The following GRID1 variants were observed in gnomAD, a reference collection of about 807,000 sequenced individuals.
GRID1 encodes the protein glutamate receptor ionotropic, delta-1.
Under a neutral mutation model 98.0 loss-of-function variants are expected in GRID1, and 28 were observed. That is an observed-to-expected ratio of 0.29 (90% CI 0.21 to 0.39). The LOEUF is 0.39. GRID1 is among the 10% of genes least tolerant of loss of function. The pLI, the probability that GRID1 is intolerant of heterozygous loss-of-function variation, is 1.00. For synonymous variants in GRID1, 553 were observed against 538.5 expected (o/e 1.03, Z -0.37); for missense variants, 1,111 against 1,340.5 (o/e 0.83, Z 2.67).
intron 2 of GRID1, among the ~76,000 whole-genome samples, chr10:86,341,138 C>T (rs1848304182): frequency 1.3e-5 from 2 of 152,188 alleles, no homozygotes; most frequent in Non-Finnish European, 2.9e-5. Flanking sequence ...TGTGTATCCT[C>T]CCTCCTCCTT....
intron 4 of GRID1, among the ~76,000 whole-genome samples, chr10:86,124,247 C>A (rs1456253012): frequency 6.6e-6 from 1 of 152,158 alleles, no homozygotes; most frequent in African/African-American, 2.4e-5. Flanking sequence ...CAACTGAAAC[C>A]AAACCCAAAA....
chr10:85,674,757 A>T (rs1254167143), intron 12 of GRID1, among the ~76,000 whole-genome samples: 2 of 151,738 alleles, frequency 1.3e-5, no homozygotes, highest in Non-Finnish European at 2.9e-5. Flanking sequence ...TCCATAGCAG[A>T]GTCAAATGGA....
chr10:86,201,172 C>G (rs577275493), intron 3 of GRID1, among the ~76,000 whole-genome samples: 2 of 152,110 alleles, frequency 1.3e-5, no homozygotes, highest in Non-Finnish European at 2.9e-5. Context: ...AACACAAATG[C>G]CCACAGACAA....
At chr10:86,270,520 T>C (rs1348215989) in intron 2 of GRID1, among the ~76,000 whole-genome samples, 3 of 152,106 alleles carry the variant, frequency 2.0e-5, no homozygotes, top group African/African-American at 7.2e-5. Flanking sequence ...TGCAGCCCTG[T>C]CTCTAGCAAA....
At chr10:86,279,979 G>A (rs1847334402) in intron 2 of GRID1, among the ~76,000 whole-genome samples, 1 of 152,182 alleles carries the variant, frequency 6.6e-6, no homozygotes, top group Non-Finnish European at 1.5e-5. Context: ...ACAGACAAGA[G>A]ATCACTTGAG....
At chr10:86,000,675 G>A (rs1842792727) in intron 4 of GRID1, among the ~76,000 whole-genome samples, 1 of 152,154 alleles carries the variant, frequency 6.6e-6, no homozygotes, top group Admixed American at 6.5e-5. Flanking sequence ...ATGGAGAAAG[G>A]ATAGCGTCTT....
intron 8 of GRID1, among the ~76,000 whole-genome samples, chr10:85,811,108 G>A (rs1842667237): frequency 1.3e-5 from 2 of 152,072 alleles, no homozygotes; most frequent in Non-Finnish European, 1.5e-5. Flanking sequence ...TCACAACCTA[G>A]GCCACTGAGG....
chr10:85,911,999 C>T (rs1156635699), intron 5 of GRID1, among the ~76,000 whole-genome samples: 1 of 152,178 alleles, frequency 6.6e-6, no homozygotes, highest in East Asian at 1.9e-4. Flanking sequence ...TTAATTGTTG[C>T]CTTTGTCTTT....
At chr10:86,189,264 T>C (rs1845767731) in intron 3 of GRID1, among the ~76,000 whole-genome samples, 1 of 152,058 alleles carries the variant, frequency 6.6e-6, no homozygotes, top group South Asian at 2.1e-4. Context: ...CCTAGGCTAG[T>C]GATGGGACCT....
intron 8 of GRID1, among the ~76,000 whole-genome samples, chr10:85,842,591 C>A (rs1842971110): frequency 6.6e-6 from 1 of 151,854 alleles, no homozygotes; most frequent in Non-Finnish European, 1.5e-5. Context: ...GATGCTATAG[C>A]CATTTGAACA....
chr10:86,138,167 A>C (rs1844956582), intron 4 of GRID1, among the ~76,000 whole-genome samples: 1 of 152,222 alleles, frequency 6.6e-6, no homozygotes, highest in Non-Finnish European at 1.5e-5. Flanking sequence ...GGCCAGCGCC[A>C]ATCAGCCAAC....
chr10:86,110,033 A>C (rs561265634), intron 4 of GRID1, among the ~76,000 whole-genome samples: 1 of 140,702 alleles, frequency 7.1e-6, no homozygotes, highest in African/African-American at 2.7e-5. Flanking sequence ...AGTGCAGTGG[A>C]GTGATCTTGG....
chr10:85,691,350 T>C (rs1471593017), intron 12 of GRID1, among the ~76,000 whole-genome samples: 1 of 152,236 alleles, frequency 6.6e-6, no homozygotes, highest in Non-Finnish European at 1.5e-5. Flanking sequence ...TGGCCCTATT[T>C]ACACACACTT....
chr10:86,254,890 G>C (rs908781101), intron 2 of GRID1, among the ~76,000 whole-genome samples: 1 of 152,218 alleles, frequency 6.6e-6, no homozygotes, highest in Admixed American at 6.5e-5. Context: ...CCTTGCCTGA[G>C]GGACCCTCAC....
intron 4 of GRID1, among the ~76,000 whole-genome samples, chr10:86,044,730 G>A (rs987603049): frequency 3.3e-5 from 5 of 152,178 alleles, no homozygotes; most frequent in Admixed American, 1.3e-4. Flanking sequence ...TCCAGGCTTC[G>A]GGGGACCTTG....
At chr10:85,837,225 G>A (rs778546924) in intron 8 of GRID1, among the ~76,000 whole-genome samples, 6 of 152,106 alleles carry the variant, frequency 3.9e-5, no homozygotes, top group Non-Finnish European at 7.3e-5. Context: ...GCAATCACTA[G>A]CTTATGGGGG....
In GRID1 at chr10:86,256,375, G is replaced by A. The variant is rs1846917651; in HGVS notation, c.236-49727C>T. Among the ~76,000 whole-genome samples the A allele has an allele frequency of 2.6e-5, 4 of 152,188 alleles. No homozygotes were observed. In the South Asian group the frequency reaches 8.3e-4, roughly 31 times the overall value. On this transcript the variant is annotated intron_variant, in intron 2 of 15. Transcript: ENST00000327946. ...AGCATTTCAGGAGGCTGAGGTGGGA[G>A]GATCACTTGAGCCCAGGAGTCTGAG... is the stretch of plus-strand genomic sequence containing the variant.
intron 4 of GRID1, among the ~76,000 whole-genome samples, chr10:85,978,431 G>A (rs1274036844): frequency 6.6e-6 from 1 of 152,158 alleles, no homozygotes; most frequent in Non-Finnish European, 1.5e-5. Flanking sequence ...ATAAATTAGA[G>A]CCAGGGAAAA....
intron 4 of GRID1, among the ~76,000 whole-genome samples, chr10:86,117,409 C>T (rs1481729864): frequency 6.6e-6 from 1 of 151,770 alleles, no homozygotes; most frequent in African/African-American, 2.4e-5. Flanking sequence ...CCACCAACAC[C>T]ATCACTATTA....
Sources: allele counts gnomAD v4.1 joint callset (sites outside exome capture counted in the v4.1 genomes callset), GRCh38; gene constraint gnomAD v4.1.1; transcripts MANE v1.5; gene names NCBI Gene and HGNC (gene_info 2026-07-23, HGNC 2026-07-21).